PCDH15: variants seen among roughly 807,000 people sequenced by gnomAD.
PCDH15 encodes protocadherin related 15.
A neutral mutation model predicts 178.5 loss-of-function variants in PCDH15; 129 were observed. The ratio of observed to expected loss-of-function variants is 0.72; its 90% CI spans 0.63 to 0.84. The LOEUF (loss-of-function observed/expected upper bound fraction) is 0.84, where lower values mean the gene tolerates loss of function less well. Ranked by LOEUF, PCDH15 falls within the 40% of genes least tolerant of loss-of-function variation. The pLI is 0.00. For synonymous variants in PCDH15, 800 were observed against 732.0 expected (o/e 1.09, Z -1.50); for missense variants, 2,230 against 2,099.9 (o/e 1.06, Z -1.21).
intron 3 of PCDH15, among the ~76,000 whole-genome samples, chr10:54,509,490 A>G (rs1040000615): frequency 1.3e-5 from 2 of 152,078 alleles, no homozygotes; most frequent in African/African-American, 4.8e-5. Context: ...TGTTCTTTGG[A>G]AAGATAGCAA....
intron 2 of PCDH15, among the ~76,000 whole-genome samples, chr10:54,593,671 C>T (rs538237562): frequency 6.6e-6 from 1 of 151,916 alleles, no homozygotes; most frequent in Non-Finnish European, 1.5e-5. Context: ...TATTGTGGTT[C>T]CATATAAATT....
At chr10:54,211,987 CA>C (rs66635175) in intron 10 of PCDH15, among the ~76,000 whole-genome samples, 13 of 150,364 alleles carry the variant, frequency 8.6e-5, no homozygotes, top group East Asian at 3.9e-4. Flanking sequence ...GCTATTAAAA[CA>C]AAAAAAAAAT....
At chr10:53,838,868 C>T (rs2077465062) in intron 29 of PCDH15, among the ~76,000 whole-genome samples, 2 of 151,946 alleles carry the variant, frequency 1.3e-5, no homozygotes, top group East Asian at 1.9e-4. Context: ...ATTTCCTCCA[C>T]GGTTAGTATC....
At chr10:54,143,230 A>G (rs1933917266) in intron 14 of PCDH15, among the ~76,000 whole-genome samples, 1 of 152,146 alleles carries the variant, frequency 6.6e-6, no homozygotes, top group African/African-American at 2.4e-5. Context: ...GTGTTTGAGG[A>G]TTATATGAGA....
At chr10:54,766,938 A>AAC (rs1555187153) in intron 1 of PCDH15, among the ~76,000 whole-genome samples, 29 of 99,642 alleles carry the variant, frequency 2.9e-4, no homozygotes, top group East Asian at 1.8e-3. Context: ...TCAAAAAAAC[A>AAC]AAAAAAAAAA....
At chr10:54,913,309 G>A (rs980642020) in intron 2 of PCDH15, among the ~76,000 whole-genome samples, 18 of 152,170 alleles carry the variant, frequency 1.2e-4, no homozygotes, top group African/African-American at 4.1e-4. Context: ...GCAGCCTCAC[G>A]ACATAGCACC....
chr10:54,224,496 T>G (rs895295299), intron 9 of PCDH15, among the ~76,000 whole-genome samples: 5 of 152,184 alleles, frequency 3.3e-5, no homozygotes, highest in Non-Finnish European at 7.4e-5. Context: ...TAGCTGCTTC[T>G]GAACCATCTC....
intron 2 of PCDH15, among the ~76,000 whole-genome samples, chr10:55,462,530 T>C (rs985063519): frequency 6.6e-6 from 1 of 152,170 alleles, no homozygotes; most frequent in Non-Finnish European, 1.5e-5. Context: ...GCATTCATAG[T>C]TATGTTCATT....
intron 2 of PCDH15, among the ~76,000 whole-genome samples, chr10:55,079,145 C>A (rs1841978782): frequency 6.6e-6 from 1 of 151,900 alleles, no homozygotes; most frequent in African/African-American, 2.4e-5. Context: ...TTATTGTGTT[C>A]TTTTGGGTAT....
intron 28 of PCDH15, among the ~76,000 whole-genome samples, chr10:53,851,200 T>C (rs929120694): frequency 2.0e-5 from 3 of 152,134 alleles, no homozygotes; most frequent in Admixed American, 6.5e-5. Context: ...AGGCTTTCTT[T>C]AACCATCCTA....
Position 54,309,243 on chromosome 10 carries a change from G to A in PCDH15, c.876+8028C>T, listed in dbSNP as rs536370325. Among the ~76,000 whole-genome samples, 325 of 151,668 alleles carry A rather than the reference G, an allele frequency of 2.1e-3. 1 individual carries two copies. Among genetic ancestry groups the A allele is most frequent in the African/African-American group, 5.5e-3 (228 of 41,348 alleles). On this transcript the variant is annotated intron_variant, in intron 8 of 37. Transcript: ENST00000644397. Reference sequence around the variant, plus strand: ...GATATATGATTACTTGATCTAGACTGTATAAAATAAATAATATATTTGGAT... The same window carrying A: ...GATATATGATTACTTGATCTAGACTATATAAAATAAATAATATATTTGGAT...
intron 2 of PCDH15, among the ~76,000 whole-genome samples, chr10:55,450,955 CTATATA>C (rs56986885): frequency 0.045 from 5,517 of 122,256 alleles, 182 homozygotes; most frequent in Admixed American, 0.06. Context: ...GGGGTAAGAA[CTATATA>C]TATATATATA....
intron 2 of PCDH15, among the ~76,000 whole-genome samples, chr10:55,439,397 A>G (rs1232839582): frequency 2.6e-5 from 4 of 152,306 alleles, no homozygotes; most frequent in African/African-American, 7.2e-5. Context: ...ATGCCACAAT[A>G]GAATTAACAT....
chr10:54,670,666 C>A (rs2094647476), intron 1 of PCDH15, among the ~76,000 whole-genome samples: 1 of 151,830 alleles, frequency 6.6e-6, no homozygotes. Context: ...TATAAATACA[C>A]CAAAAATGTT....
chr10:54,522,497 T>C (rs553355146), intron 3 of PCDH15, among the ~76,000 whole-genome samples: 1 of 152,330 alleles, frequency 6.6e-6, no homozygotes, highest in African/African-American at 2.4e-5. Flanking sequence ...CTTAACTTTA[T>C]GCAGTTTTGC....
chr10:54,547,207 G>C (rs944586658), intron 2 of PCDH15, among the ~76,000 whole-genome samples: 5 of 152,144 alleles, frequency 3.3e-5, no homozygotes, highest in Non-Finnish European at 7.4e-5. Flanking sequence ...CAATAAAATA[G>C]ATGAAGTTTA....
intron 18 of PCDH15, among the ~76,000 whole-genome samples, chr10:54,028,921 T>C (rs1484711345): frequency 6.9e-6 from 1 of 145,896 alleles, no homozygotes; most frequent in Non-Finnish European, 1.5e-5. Flanking sequence ...ACATGTACCC[T>C]AAAACTTAAA....
chr10:54,022,883 C>T lies in PCDH15; in HGVS notation c.2526+9G>A, dbSNP rs1415249620. The T allele has an allele frequency of 2.5e-6, 4 of 1,613,488 alleles. No homozygotes were observed. Among genetic ancestry groups the T allele is most frequent in the Non-Finnish European group, 3.4e-6 (4 of 1,179,550 alleles). On this transcript the variant is annotated intron_variant, in intron 19 of 37. Coordinates refer to ENST00000644397, the MANE Select transcript of PCDH15 (RefSeq NM_001384140.1). ...AGGATTCATGTAATAAATGCTTTTT[C>T]CCACACACCTCTATTTGAAGGATGG...
At chr10:53,837,662 A>T (rs896392716) in intron 29 of PCDH15, among the ~76,000 whole-genome samples, 16 of 152,210 alleles carry the variant, frequency 1.1e-4, no homozygotes, top group African/African-American at 3.4e-4. Flanking sequence ...TAGTACATTT[A>T]TGCAGTGTTA....
Sources: allele counts gnomAD v4.1 joint callset (sites outside exome capture counted in the v4.1 genomes callset), GRCh38; gene constraint gnomAD v4.1.1; transcripts MANE v1.5; gene names NCBI Gene and HGNC (gene_info 2026-07-23, HGNC 2026-07-21).